The following INVS variants were observed in gnomAD, a reference collection of about 807,000 sequenced individuals.
The protein encoded by INVS is inversion of embryo turning homolog.
In INVS, 86 loss-of-function variants were observed where a neutral mutation model predicts 108.8. The ratio of observed to expected loss-of-function variants is 0.79; its 90% CI spans 0.66 to 0.95. The LOEUF is 0.95. Among genes scored for constraint, INVS ranks in the 40% least tolerant of loss-of-function variants. The probability of loss-of-function intolerance (pLI) is 0.00; values close to 1 mark genes in which losing one functional copy is unlikely to be tolerated. For synonymous variants in INVS, 455 were observed against 473.5 expected (o/e 0.96, Z 0.51); for missense variants, 1,169 against 1,297.4 (o/e 0.90, Z 1.52).
intron 10 of INVS, among the ~76,000 whole-genome samples, chr9:100,256,545 G>A (rs1832428308): frequency 6.6e-6 from 1 of 152,116 alleles, no homozygotes; most frequent in Non-Finnish European, 1.5e-5. Context: ...TTTCTCTTGT[G>A]GGCATTTAGT....
intron 3 of INVS, among the ~76,000 whole-genome samples, chr9:100,195,364 T>G (rs550185690): frequency 9.8e-5 from 15 of 152,322 alleles, no homozygotes; most frequent in Admixed American, 2.6e-4. Context: ...AAAAAATATA[T>G]AGAGATGGAG....
intron 3 of INVS, among the ~76,000 whole-genome samples, chr9:100,203,438 T>A: frequency 6.6e-6 from 1 of 151,480 alleles, no homozygotes; most frequent in South Asian, 2.1e-4. Flanking sequence ...TAAAAAGAAA[T>A]ACAAATTATA....
chr9:100,281,147 A>G (rs1833263676), intron 12 of INVS, among the ~76,000 whole-genome samples: 1 of 152,236 alleles, frequency 6.6e-6, no homozygotes, highest in Non-Finnish European at 1.5e-5. Context: ...AGATTAGGTG[A>G]AATTTTTAAA....
intron 3 of INVS, among the ~76,000 whole-genome samples, chr9:100,169,195 A>C (rs1474432549): frequency 6.6e-6 from 1 of 152,204 alleles, no homozygotes; most frequent in African/African-American, 2.4e-5. Flanking sequence ...AAAAATGAAG[A>C]ATTATGCATT....
chr9:100,108,060 G>A (rs142334949), intron 2 of INVS, among the ~76,000 whole-genome samples: 24 of 152,176 alleles, frequency 1.6e-4, no homozygotes, highest in Middle Eastern at 3.4e-3. Flanking sequence ...AAGTCAGGAC[G>A]TATGAAGAAA....
At chr9:100,243,833 A>C (rs886374355) in intron 7 of INVS, among the ~76,000 whole-genome samples, 2 of 152,142 alleles carry the variant, frequency 1.3e-5, no homozygotes, top group African/African-American at 4.8e-5. Flanking sequence ...AACATGGTGG[A>C]AACCCCGTTT....
intron 13 of INVS, among the ~76,000 whole-genome samples, chr9:100,289,597 C>T (rs1163894782): frequency 1.3e-5 from 2 of 152,216 alleles, no homozygotes; most frequent in African/African-American, 4.8e-5. Flanking sequence ...GCCAAGATGG[C>T]CGCCTTCATA....
At position 100,292,526 on chromosome 9, in the gene INVS, G is replaced by C. The variant is rs1254192550; in HGVS notation, c.2269G>C (p.Gly757Arg). The C allele has an allele frequency of 1.2e-6, 2 of 1,614,072 alleles. No homozygotes were observed. The highest frequency in any genetic ancestry group is 2.7e-5 in the African/African-American group (2 of 74,924). ...CAGGGTGGCTGGGCCTGATGAGAAAGGAGAGGACTCCAGGCGGGCAGCTGC... is the reference window on the plus strand; with the variant it reads ...CAGGGTGGCTGGGCCTGATGAGAAACGAGAGGACTCCAGGCGGGCAGCTGC... ...CIRVAGPDEK[G>R]EDSRRAAASL... Residue 757 changes from glycine to arginine, a missense_variant, in exon 14 of 17, where the codon GGA (glycine) becomes CGA (arginine). By Grantham distance (125) the Gly-to-Arg change is moderately radical (BLOSUM62 -2). Around this residue, in one of 3 missense-constraint regions of INVS, gnomAD observed 533 missense variants for 536.0 expected, o/e 0.99. Transcript: ENST00000262457.
chr9:100,158,259 A>G (rs1476932541), intron 3 of INVS, among the ~76,000 whole-genome samples: 2 of 152,218 alleles, frequency 1.3e-5, no homozygotes, highest in Non-Finnish European at 2.9e-5. Context: ...TAAATATTAC[A>G]TTCCATTCTT....
At chr9:100,261,373 C>T (rs1260696425) in intron 10 of INVS, among the ~76,000 whole-genome samples, 1 of 151,020 alleles carries the variant, frequency 6.6e-6, no homozygotes, top group Non-Finnish European at 1.5e-5. Context: ...TCGCGCCATT[C>T]TTCTTGCTTA....
chr9:100,179,350 G>A (rs1043335401), intron 3 of INVS, among the ~76,000 whole-genome samples: 2 of 152,140 alleles, frequency 1.3e-5, no homozygotes, highest in East Asian at 3.9e-4. Flanking sequence ...TGGCAAATTG[G>A]ATAAAGAGTC....
Position 100,292,803 on chromosome 9 carries a change from C to T in INVS, c.2546C>T (p.Pro849Leu). Reference sequence around the variant, plus strand: ...ACAGGAGGGCTCTATTCACATTTGCCACAGAGCACAGAGGAGTTGAGGTCA... The same window carrying T: ...ACAGGAGGGCTCTATTCACATTTGCTACAGAGCACAGAGGAGTTGAGGTCA... ...KLTGGLYSHL[P>L]QSTEELRSGA... Residue 849 changes from proline to leucine, a missense_variant, in exon 14 of 17, where the codon CCA (proline) becomes CTA (leucine). Physicochemically the swap from Pro to Leu is moderately conservative, Grantham distance 98. This residue lies in a region of INVS where 533 missense variants were observed against 536.0 expected (regional missense o/e 0.99). Coordinates refer to ENST00000262457, the MANE Select transcript of INVS (RefSeq NM_014425.5). 6.2e-7 allele frequency: 1 copy of T among 1,614,118 alleles called. No homozygotes were observed. The highest frequency in any genetic ancestry group is 1.1e-5 in the South Asian group (1 of 91,048).
At chr9:100,284,070 CT>C (rs1833357327) in intron 12 of INVS, among the ~76,000 whole-genome samples, 1 of 152,168 alleles carries the variant, frequency 6.6e-6, no homozygotes, top group Non-Finnish European at 1.5e-5. Context: ...GCCTGGTTAT[CT>C]GTCATGTGTC....
intron 3 of INVS, among the ~76,000 whole-genome samples, chr9:100,136,607 A>G (rs1828232850): frequency 6.6e-6 from 1 of 152,186 alleles, no homozygotes; most frequent in Non-Finnish European, 1.5e-5. Context: ...TTTGGTTGAT[A>G]AGTCTTTTAA....
intron 8 of INVS, among the ~76,000 whole-genome samples, chr9:100,249,247 A>C (rs1467840927): frequency 6.6e-6 from 1 of 152,152 alleles, no homozygotes; most frequent in East Asian, 1.9e-4. Context: ...TAAGTATTTC[A>C]GGTACCTCTA....
chr9:100,292,492 C>G lies in INVS; in HGVS notation c.2235C>G (p.Pro745=), dbSNP rs1161646455. 1.2e-6 allele frequency: 2 copies of G among 1,614,024 alleles called. No homozygotes were observed. The highest frequency in any genetic ancestry group is 2.7e-5 in the African/African-American group (2 of 74,904). The stretch of plus-strand genomic sequence containing the variant: ...AGGGGAAAGGCTTCGTGAAGCAGCC[C>G]TCCTGTATCAGGGTGGCTGGGCCTG... The part of the protein sequence containing the change: ...CAKGKGFVKQ[P]SCIRVAGPDE... The change falls in exon 14 of 17, where the codon CCC becomes CCG. Residue 745 remains proline (P), a synonymous_variant. Transcript: ENST00000262457.
chr9:100,182,281 A>G (rs938006046), intron 3 of INVS, among the ~76,000 whole-genome samples: 2 of 152,216 alleles, frequency 1.3e-5, no homozygotes, highest in African/African-American at 2.4e-5. Context: ...TAATTAAACT[A>G]AAGAGCTTTG....
intron 10 of INVS, among the ~76,000 whole-genome samples, chr9:100,260,614 A>G (rs887443338): frequency 1.2e-4 from 19 of 152,198 alleles, no homozygotes; most frequent in African/African-American, 3.9e-4. Context: ...TTTATGTTTA[A>G]TAGCTTATTC....
Position 100,170,108 on chromosome 9 carries a change from C to T in INVS, c.273+43559C>T, listed in dbSNP as rs12003270. 6.8e-3 allele frequency among the ~76,000 whole-genome samples: 1,039 copies of T among 152,282 alleles called. 13 individuals are homozygous for T. Among genetic ancestry groups the T allele is most frequent in the African/African-American group, 0.024 (977 of 41,550 alleles). On this transcript the variant is annotated intron_variant, in intron 3 of 16. Transcript: ENST00000262457. ...TTTAGAATTATGGTTATCTAAAGAA[C>T]TTGCTTTGCTTGATCTAAACTAGAA...
Sources: allele counts gnomAD v4.1 joint callset (sites outside exome capture counted in the v4.1 genomes callset), GRCh38; gene constraint gnomAD v4.1.1; regional missense constraint gnomAD v4.1.1; transcripts MANE v1.5; gene names NCBI Gene and HGNC (gene_info 2026-07-23, HGNC 2026-07-21).